Variants in CLCN5 observed in about 807,000 individuals in gnomAD.
The protein encoded by CLCN5 is Cl-/H+ antiporter 5.
In CLCN5, 17 loss-of-function variants were observed where a neutral mutation model predicts 54.0. The ratio of observed to expected loss-of-function variants is 0.31; its 90% CI spans 0.22 to 0.47. The LOEUF (loss-of-function observed/expected upper bound fraction) is 0.47, where lower values mean the gene tolerates loss of function less well. Among genes scored for constraint, CLCN5 ranks in the 20% least tolerant of loss-of-function variants. The pLI is 1.00. For missense variants in CLCN5, 448 were observed against 646.7 expected, an observed-to-expected ratio of 0.69 and a Z score of 3.33; for synonymous variants, 222 against 233.0, an observed-to-expected ratio of 0.95 and a Z score of 0.43.
intron 3 of CLCN5, chrX:50,013,434 G>C: frequency 3.8e-6 from 1 of 259,752 alleles, no homozygotes; most frequent in Non-Finnish European, 7.5e-6. Flanking sequence ...AATGGACAGT[G>C]TCTCTCTCCG....
intron 3 of CLCN5, among the ~76,000 whole-genome samples, chrX:49,953,863 C>CT (rs1452838544): frequency 8.9e-6 from 1 of 111,880 alleles, no homozygotes; most frequent in East Asian, 2.8e-4. Context: ...CTTGCCAATC[C>CT]TGTGTATTCT....
intron 3 of CLCN5, among the ~76,000 whole-genome samples, chrX:49,973,140 T>C (rs782524752): frequency 9.0e-6 from 1 of 111,370 alleles, no homozygotes; most frequent in East Asian, 2.8e-4. Flanking sequence ...CTGGCTCTGA[T>C]TGTCCCCTCA....
intron 5 of CLCN5, 89 bp downstream of exon 5, chrX:50,070,119 C>A: frequency 2.2e-6 from 2 of 906,975 alleles, no homozygotes; most frequent in Non-Finnish European, 3.1e-6. Flanking sequence ...TTCCTTTCTT[C>A]AGCCCTGGAT....
chrX:49,996,508 A>G (rs1929526837), intron 3 of CLCN5, among the ~76,000 whole-genome samples: 1 of 112,509 alleles, frequency 8.9e-6, no homozygotes, highest in African/African-American at 3.2e-5. Context: ...GTTTTGCAGC[A>G]TCGAACCCCA....
intron 3 of CLCN5, among the ~76,000 whole-genome samples, chrX:50,033,054 G>T (rs1436170810): frequency 1.6e-4 from 18 of 110,722 alleles, no homozygotes; most frequent in South Asian, 7.8e-4. Context: ...TATTTCTGAG[G>T]GCTCTGTTCT....
intron 3 of CLCN5, among the ~76,000 whole-genome samples, chrX:49,974,793 G>A (rs1158720047): frequency 8.9e-6 from 1 of 111,988 alleles, no homozygotes; most frequent in Non-Finnish European, 1.9e-5. Context: ...AGATTTTGAT[G>A]AGCCTGTAGG....
chrX:49,944,543 C>G (rs1164071283), intron 3 of CLCN5, among the ~76,000 whole-genome samples: 1 of 111,530 alleles, frequency 9.0e-6, no homozygotes, highest in Non-Finnish European at 1.9e-5. Context: ...CTGTGGGTTT[C>G]TCATAAATAG....
intron 3 of CLCN5, among the ~76,000 whole-genome samples, chrX:49,998,827 A>G (rs1488173414): frequency 9.0e-6 from 1 of 111,071 alleles, no homozygotes; most frequent in African/African-American, 3.3e-5. Context: ...TCACCCATGC[A>G]TGACACTGCA....
chrX:49,995,804 A>G (rs1929492690), intron 3 of CLCN5, among the ~76,000 whole-genome samples: 1 of 111,958 alleles, frequency 8.9e-6, no homozygotes, highest in Non-Finnish European at 1.9e-5. Flanking sequence ...TTCAGCTGCC[A>G]GTTTTATCAT....
At chrX:49,945,157 A>G (rs1926623907) in intron 3 of CLCN5, among the ~76,000 whole-genome samples, 1 of 112,077 alleles carries the variant, frequency 8.9e-6, no homozygotes, top group South Asian at 3.7e-4. Flanking sequence ...AGAGTCACCC[A>G]GGAAGTATTT....
chrX:49,941,741 T>A (rs1232798798), intron 3 of CLCN5, among the ~76,000 whole-genome samples: 1 of 110,668 alleles, frequency 9.0e-6, no homozygotes, highest in East Asian at 2.8e-4. Flanking sequence ...AAAGTTGCAT[T>A]ATTTATGATT....
intron 3 of CLCN5, among the ~76,000 whole-genome samples, chrX:50,012,342 A>G (rs1557182686): frequency 8.9e-6 from 1 of 112,071 alleles, no homozygotes. Flanking sequence ...CTTGCTGCTT[A>G]TGCCACCAGA....
At chrX:50,077,615 AGAGAGAGT>A (rs1458924225) in intron 7 of CLCN5, among the ~76,000 whole-genome samples, 1 of 90,901 alleles carries the variant, frequency 1.1e-5, no homozygotes, top group African/African-American at 4.9e-5. Context: ...AGAGAGAGAG[AGAGAGAGT>A]GTGTGTGTGT....
chrX:50,002,715 G>T (rs1384411734), intron 3 of CLCN5, among the ~76,000 whole-genome samples: 6 of 108,445 alleles, frequency 5.5e-5, no homozygotes, highest in Non-Finnish European at 7.6e-5. Context: ...GTGTGTGTGT[G>T]TGGTGTGTGT....
intron 3 of CLCN5, among the ~76,000 whole-genome samples, chrX:49,960,143 C>G (rs1392366097): frequency 9.0e-6 from 1 of 110,750 alleles, no homozygotes; most frequent in Non-Finnish European, 1.9e-5. Flanking sequence ...TTTCTAACCC[C>G]CACTTGACCC....
intron 3 of CLCN5, among the ~76,000 whole-genome samples, chrX:50,002,746 G>C (rs931755537): frequency 5.5e-5 from 6 of 108,536 alleles, no homozygotes; most frequent in African/African-American, 1.7e-4. Context: ...AGTGGTTGGT[G>C]GCTGAGAGCT....
chrX:49,971,262 AT>A (rs1219138874), intron 3 of CLCN5, among the ~76,000 whole-genome samples: 18 of 103,591 alleles, frequency 1.7e-4, no homozygotes, highest in Admixed American at 6.6e-4. Context: ...ATTTATATAT[AT>A]TTTTATATAT....
At chrX:50,072,847 G>A (rs1933267552) in intron 6 of CLCN5, among the ~76,000 whole-genome samples, 1 of 110,771 alleles carries the variant, frequency 9.0e-6, no homozygotes, top group Non-Finnish European at 1.9e-5. Flanking sequence ...GGTGATGTTA[G>A]CCCTTTGGTG....
intron 3 of CLCN5, among the ~76,000 whole-genome samples, chrX:49,978,468 AAC>A (rs1302012773): frequency 8.9e-6 from 1 of 112,173 alleles, no homozygotes; most frequent in East Asian, 2.8e-4. Flanking sequence ...AGCCAGCATT[AAC>A]ACAGCCCTGG....
Sources: gnomAD v4.1 joint callset for allele counts (sites outside exome capture counted in the v4.1 genomes callset) on GRCh38, gnomAD v4.1.1 for gene constraint, MANE v1.5 for transcripts, NCBI Gene and HGNC (gene_info 2026-07-23, HGNC 2026-07-21) for gene names.